PEMT: variants seen among roughly 807,000 people sequenced by gnomAD.
PEMT encodes phospholipid methyltransferase.
Under a neutral mutation model 27.4 loss-of-function variants are expected in PEMT, and 23 were observed. That is an observed-to-expected ratio of 0.84 (90% CI 0.60 to 1.19). PEMT has a LOEUF of 1.19. Among genes scored for constraint, PEMT ranks in the 50% most tolerant of loss-of-function variants. The pLI is 0.00. For synonymous variants in PEMT, 137 were observed against 139.1 expected (o/e 0.98, Z 0.11); for missense variants, 307 against 310.1 (o/e 0.99, Z 0.07).
intron 2 of PEMT, among the ~76,000 whole-genome samples, chr17:17,576,471 A>G (rs1009003240): frequency 1.3e-5 from 2 of 152,332 alleles, no homozygotes; most frequent in East Asian, 3.9e-4. Context: ...TGTGGGAAAA[A>G]TAACCATGTT....
intron 1 of PEMT, among the ~76,000 whole-genome samples, chr17:17,585,460 C>A (rs946532985): frequency 1.3e-5 from 2 of 152,180 alleles, no homozygotes; most frequent in African/African-American, 2.4e-5. Flanking sequence ...CTCTCAGTGA[C>A]TGAGAGAATC....
At position 17,591,678 on chromosome 17, in the gene PEMT, C is replaced by T; in HGVS notation, c.-52G>A. On this transcript the variant is annotated 5_prime_UTR_variant, in exon 1 of 7. Transcript: ENST00000255389. ...GCGGGCCCCGCTGCAGCCACGCGCC[C>T]CCGGAACCGGACCTATAGAGCCGGG... 3 of 1,574,754 alleles carry T rather than the reference C, an allele frequency of 1.9e-6. No homozygotes were observed. Among genetic ancestry groups the T allele is most frequent in the Non-Finnish European group, 1.7e-6 (2 of 1,160,618 alleles).
At chr17:17,526,181 A>G (rs1006960142) in intron 2 of PEMT, among the ~76,000 whole-genome samples, 6 of 152,108 alleles carry the variant, frequency 3.9e-5, no homozygotes, top group African/African-American at 7.2e-5. Flanking sequence ...GAGCTCTGGA[A>G]CACACAGGTC....
chr17:17,518,298 G>A (rs1906998809), intron 3 of PEMT: 5 of 323,104 alleles, frequency 1.5e-5, no homozygotes, highest in Middle Eastern at 1.6e-3. Flanking sequence ...GCCCACCCCC[G>A]TGGGCTTTCT....
chr17:17,547,914 G>A (rs1909371710), intron 2 of PEMT, among the ~76,000 whole-genome samples: 1 of 152,194 alleles, frequency 6.6e-6, no homozygotes, highest in Non-Finnish European at 1.5e-5. Context: ...ATGTGAAGAT[G>A]GAGAAGCCAG....
At chr17:17,537,919 T>C (rs190769349) in intron 2 of PEMT, among the ~76,000 whole-genome samples, 1 of 152,202 alleles carries the variant, frequency 6.6e-6, no homozygotes, top group Non-Finnish European at 1.5e-5. Context: ...GTGACTTGGG[T>C]GGGACCTCAT....
intron 2 of PEMT, among the ~76,000 whole-genome samples, chr17:17,543,972 G>A (rs1909070497): frequency 6.6e-6 from 1 of 152,188 alleles, no homozygotes; most frequent in South Asian, 2.1e-4. Context: ...GAACTCCAAG[G>A]CTGAGGTCCC....
chr17:17,555,208 G>C (rs982202445), intron 2 of PEMT, among the ~76,000 whole-genome samples: 3 of 152,150 alleles, frequency 2.0e-5, no homozygotes, highest in Admixed American at 1.3e-4. Flanking sequence ...AAGCCATGGA[G>C]CTCTGCAGAG....
At chr17:17,506,059 G>T (rs1426521089) in intron 6 of PEMT, among the ~76,000 whole-genome samples, 168 bp downstream of exon 6, 1 of 152,184 alleles carries the variant, frequency 6.6e-6, no homozygotes, top group African/African-American at 2.4e-5. Flanking sequence ...GCTGGGTCCT[G>T]CAGGCCGCAT....
At chr17:17,552,400 C>A (rs1909720531) in intron 2 of PEMT, among the ~76,000 whole-genome samples, 1 of 152,256 alleles carries the variant, frequency 6.6e-6, no homozygotes, top group Admixed American at 6.5e-5. Flanking sequence ...GGTATTTCAT[C>A]TGCCATTTGG....
intron 2 of PEMT, among the ~76,000 whole-genome samples, chr17:17,552,090 T>G (rs1260536394): frequency 6.6e-6 from 1 of 152,134 alleles, no homozygotes; most frequent in African/African-American, 2.4e-5. Context: ...TAATCCCAGC[T>G]ACTTGGTAGG....
At chr17:17,569,255 G>A (rs114669296) in intron 2 of PEMT, among the ~76,000 whole-genome samples, 206 of 152,350 alleles carry the variant, frequency 1.4e-3, no homozygotes, top group African/African-American at 4.8e-3. Context: ...GACAGTGAGT[G>A]TCAGAACACC....
chr17:17,537,026 C>A (rs539249486), intron 2 of PEMT, among the ~76,000 whole-genome samples: 1 of 152,186 alleles, frequency 6.6e-6, no homozygotes, highest in Non-Finnish European at 1.5e-5. Context: ...CCGGGGGGCA[C>A]GGGAGGGACA....
chr17:17,580,409 G>T (rs958145168), intron 1 of PEMT, among the ~76,000 whole-genome samples: 1 of 152,082 alleles, frequency 6.6e-6, no homozygotes, highest in Non-Finnish European at 1.5e-5. Flanking sequence ...CCTGGGAGGC[G>T]GAGGTTGCAG....
At chr17:17,584,607 G>C (rs548376802) in intron 1 of PEMT, among the ~76,000 whole-genome samples, 4 of 152,212 alleles carry the variant, frequency 2.6e-5, no homozygotes, top group Admixed American at 6.5e-5. Context: ...ACCAAGCCCA[G>C]CCATCTTCCT....
chr17:17,577,018 A>C lies in PEMT; in HGVS notation c.106T>G (p.Cys36Gly), dbSNP rs372918122. ...GNIDFRQADF[C>G]VMTRLLGYVD... Reference sequence around the variant, plus strand: ...TAGCCCAGCAGCCGGGTCATAACGCAGAAGTCTGCCTGCAGGGACAGAGCT... The same window carrying C: ...TAGCCCAGCAGCCGGGTCATAACGCCGAAGTCTGCCTGCAGGGACAGAGCT... The change falls in exon 2 of 7, where the codon TGC (cysteine) becomes GGC (glycine). Residue 36 changes from cysteine (C) to glycine (G), a missense_variant. Physicochemically the swap from Cys to Gly is radical, Grantham distance 159. Transcript: ENST00000255389. 1.9e-5 allele frequency: 30 copies of C among 1,613,608 alleles called. 1 individual carries two copies. In the African/African-American group the frequency reaches 2.7e-4, roughly 14 times the overall value.
chr17:17,529,977 A>C (rs879917735), intron 2 of PEMT, among the ~76,000 whole-genome samples: 1 of 152,164 alleles, frequency 6.6e-6, no homozygotes, highest in Non-Finnish European at 1.5e-5. Flanking sequence ...TTCATTAAGT[A>C]AAAAAGCAAG....
chr17:17,585,993 GA>G (rs1320480340), intron 1 of PEMT, among the ~76,000 whole-genome samples: 1 of 150,742 alleles, frequency 6.6e-6, no homozygotes, highest in Non-Finnish European at 1.5e-5. Context: ...TGAAGCAGGA[GA>G]ATGGCGTGAA....
intron 2 of PEMT, among the ~76,000 whole-genome samples, chr17:17,535,994 G>A (rs1355908760): frequency 6.6e-6 from 1 of 152,306 alleles, no homozygotes; most frequent in East Asian, 1.9e-4. Flanking sequence ...TTGGTCCAGT[G>A]TCTGGCAACG....
Sources: gnomAD v4.1 joint callset for allele counts (sites outside exome capture counted in the v4.1 genomes callset) on GRCh38, gnomAD v4.1.1 for gene constraint, MANE v1.5 for transcripts, NCBI Gene and HGNC (gene_info 2026-07-23, HGNC 2026-07-21) for gene names.